The following RIN2 variants were observed in gnomAD, a reference collection of about 807,000 sequenced individuals.
RIN2 encodes Ras and Rab interactor 2.
Under a neutral mutation model 78.0 loss-of-function variants are expected in RIN2, and 36 were observed. That is an observed-to-expected ratio of 0.46 (90% CI 0.35 to 0.61). The LOEUF is 0.61. RIN2 is among the 20% of genes least tolerant of loss of function. The pLI, the probability that RIN2 is intolerant of heterozygous loss-of-function variation, is 0.00. For synonymous variants in RIN2, 466 were observed against 466.8 expected, an observed-to-expected ratio of 1.00 and a Z score of 0.02; for missense variants, 1,087 against 1,159.7, an observed-to-expected ratio of 0.94 and a Z score of 0.91.
At chr20:19,765,261 C>G (rs547534622) in intron 1 of RIN2, among the ~76,000 whole-genome samples, 1 of 152,232 alleles carries the variant, frequency 6.6e-6, no homozygotes, top group East Asian at 1.9e-4. Flanking sequence ...TTATATTAAG[C>G]CTAATTTGGG....
intron 7 of RIN2, among the ~76,000 whole-genome samples, chr20:19,969,933 G>A (rs1386219023): frequency 6.6e-6 from 1 of 152,250 alleles, no homozygotes; most frequent in Non-Finnish European, 1.5e-5. Flanking sequence ...CTTTGTGAAT[G>A]AACATGAGCA....
At chr20:19,903,441 C>T (rs1188470072) in intron 3 of RIN2, among the ~76,000 whole-genome samples, 3 of 152,142 alleles carry the variant, frequency 2.0e-5, no homozygotes, top group Non-Finnish European at 4.4e-5. Flanking sequence ...CTGTTGGGAG[C>T]GTGCCAGGGG....
intron 3 of RIN2, among the ~76,000 whole-genome samples, chr20:19,932,406 G>A (rs2040475362): frequency 6.6e-6 from 1 of 152,162 alleles, no homozygotes; most frequent in African/African-American, 2.4e-5. Context: ...ACAGGAAACA[G>A]AGAAAGACAA....
chr20:19,795,614 CCTAA>C (rs758513017), intron 1 of RIN2, among the ~76,000 whole-genome samples: 1 of 152,118 alleles, frequency 6.6e-6, no homozygotes, highest in Admixed American at 6.5e-5. Context: ...TGGAAAACAG[CCTAA>C]CTATTGAGAT....
intron 3 of RIN2, chr20:19,895,920 A>C (rs2038699039): frequency 6.6e-6 from 1 of 152,224 alleles, no homozygotes; most frequent in Admixed American, 6.5e-5. Flanking sequence ...TCTTCTTGGC[A>C]TTTGAAAAAG....
At chr20:19,989,878 T>C (rs2146384826) in intron 9 of RIN2, 128 bp from the exon 10 acceptor site, 1 of 882,668 alleles carries the variant, frequency 1.1e-6, no homozygotes, top group South Asian at 2.0e-5. Flanking sequence ...GTTGGTTGGA[T>C]GTTAAGGTGT....
At chr20:19,826,268 G>A (rs1170328455) in intron 2 of RIN2, among the ~76,000 whole-genome samples, 1 of 152,118 alleles carries the variant, frequency 6.6e-6, no homozygotes, top group Non-Finnish European at 1.5e-5. Context: ...AAATAATTAT[G>A]AGAATAGCTA....
chr20:19,815,464 A>G (rs535785269), intron 2 of RIN2, among the ~76,000 whole-genome samples: 2 of 152,338 alleles, frequency 1.3e-5, no homozygotes, highest in South Asian at 4.1e-4. Context: ...ATTTCTTTTT[A>G]TGGAACTACA....
chr20:19,902,630 T>C (rs1197561176), intron 3 of RIN2, among the ~76,000 whole-genome samples: 11 of 152,136 alleles, frequency 7.2e-5, no homozygotes, highest in African/African-American at 2.4e-4. Context: ...GGGAGCTCAT[T>C]ACAGGGTTTC....
intron 2 of RIN2, among the ~76,000 whole-genome samples, chr20:19,818,511 A>T (rs937036989): frequency 1.3e-5 from 2 of 152,222 alleles, no homozygotes; most frequent in African/African-American, 2.4e-5. Context: ...AGGTGGGCGG[A>T]TCACAAGGTC....
intron 1 of RIN2, among the ~76,000 whole-genome samples, chr20:19,764,565 T>TAC (rs1375806013): frequency 8.5e-5 from 13 of 152,276 alleles, no homozygotes; most frequent in African/African-American, 2.9e-4. Flanking sequence ...GCTTCAGCGA[T>TAC]ACACATTTTG....
chr20:19,788,434 A>AAAAC (rs2034762732), intron 1 of RIN2, among the ~76,000 whole-genome samples: 3 of 137,486 alleles, frequency 2.2e-5, no homozygotes, highest in African/African-American at 8.8e-5. Flanking sequence ...GTCTCTGCCA[A>AAAAC]AAAAAAAAAA....
intron 8 of RIN2, among the ~76,000 whole-genome samples, chr20:19,974,213 G>T (rs996186153): frequency 2.6e-5 from 4 of 152,212 alleles, no homozygotes; most frequent in Non-Finnish European, 5.9e-5. Flanking sequence ...CGATTCCTTG[G>T]CTGGCAGCTG....
At chr20:19,809,575 T>C (rs1370988485) in intron 2 of RIN2, 3 of 152,400 alleles carry the variant, frequency 2.0e-5, no homozygotes, top group Non-Finnish European at 4.4e-5. Flanking sequence ...AGACACGCAA[T>C]TGTGGGAAGA....
chr20:19,865,855 T>C (rs2037489993), intron 2 of RIN2, among the ~76,000 whole-genome samples: 1 of 152,034 alleles, frequency 6.6e-6, no homozygotes, highest in African/African-American at 2.4e-5. Flanking sequence ...AGCAAATGTA[T>C]AAAGGTGCAT....
At chr20:19,910,689 C>T (rs1437133688) in intron 3 of RIN2, among the ~76,000 whole-genome samples, 1 of 151,786 alleles carries the variant, frequency 6.6e-6, no homozygotes, top group Non-Finnish European at 1.5e-5. Flanking sequence ...CTGCCATAGC[C>T]TCCCACAGAG....
At position 19,785,695 on chromosome 20, in the gene RIN2, G is replaced by A. The variant is rs564448863; in HGVS notation, c.-162-13927G>A. On this transcript the variant is annotated intron_variant, in intron 1 of 12. Transcript: ENST00000255006. ...ACTTGCCAAGTTCTCTATTATATGA[G>A]ACTAGGAAATACCCAAATACTTTCC... Among the ~76,000 whole-genome samples, 7 of 152,270 alleles carry A rather than the reference G, an allele frequency of 4.6e-5. No individual in the cohort carries two copies. The East Asian group carries it at 1.4e-3, about 29-fold the overall frequency.
intron 2 of RIN2, among the ~76,000 whole-genome samples, chr20:19,822,071 A>G (rs975380426): frequency 2.0e-5 from 3 of 152,226 alleles, no homozygotes; most frequent in Non-Finnish European, 4.4e-5. Context: ...TTTTGTCTCC[A>G]GAATCTTCAG....
intron 2 of RIN2, among the ~76,000 whole-genome samples, chr20:19,861,964 C>G (rs2037356077): frequency 8.3e-6 from 1 of 119,912 alleles, no homozygotes; most frequent in African/African-American, 5.4e-5. Flanking sequence ...TGATGCTCAC[C>G]CTCCATATCT....
Sources: allele counts gnomAD v4.1 joint callset (sites outside exome capture counted in the v4.1 genomes callset), GRCh38; gene constraint gnomAD v4.1.1; transcripts MANE v1.5; gene names NCBI Gene and HGNC (gene_info 2026-07-23, HGNC 2026-07-21).